FLNB: variants seen among roughly 807,000 people sequenced by gnomAD.
The protein encoded by FLNB is filamin-B.
Under a neutral mutation model 250.6 loss-of-function variants are expected in FLNB, and 111 were observed. The ratio of observed to expected loss-of-function variants is 0.44; its 90% confidence interval spans 0.38 to 0.52. The LOEUF (loss-of-function observed/expected upper bound fraction) is 0.52. FLNB is among the 20% of genes least tolerant of loss of function. The pLI, the probability that FLNB is intolerant of heterozygous loss-of-function variation, is 0.00. For synonymous variants in FLNB, 1,302 were observed against 1,372.1 expected (o/e 0.95, Z 1.13); for missense variants, 2,869 against 3,447.8 (o/e 0.83, Z 4.20).
chr3:58,123,001 A>G, intron 20 of FLNB, 92 bp from the exon 21 acceptor site: 1 of 1,176,026 alleles, frequency 8.5e-7, no homozygotes, highest in Non-Finnish European at 1.3e-6. Context: ...GCTCAGATGC[A>G]CTTCCATGCT....
Position 58,124,512 on chromosome 3 carries a change from C to T in FLNB, c.3898+7C>T, listed in dbSNP as rs369277252. ...TACACACCCTTTGAGAAAGGTGAGC[C>T]GCCCTGTCCTCGGACTGGACCCTCG... is the stretch of plus-strand genomic sequence containing the variant. On this transcript the variant is annotated splice_region_variant and intron_variant, in intron 22 of 45. Transcript: ENST00000295956. 25 of 1,613,948 alleles carry T rather than the reference C, an allele frequency of 1.5e-5. No homozygotes were observed. The highest frequency in any genetic ancestry group is 8.9e-5 in the East Asian group (4 of 44,892).
intron 15 of FLNB, 121 bp downstream of exon 15, chr3:58,109,820 G>A: frequency 7.0e-7 from 1 of 1,428,346 alleles, no homozygotes; most frequent in Non-Finnish European, 9.9e-7. Flanking sequence ...ATCATCTACT[G>A]AGCCTCTGAG....
chr3:58,019,819 G>A (rs2097111086), intron 1 of FLNB, among the ~76,000 whole-genome samples: 1 of 152,202 alleles, frequency 6.6e-6, no homozygotes, highest in Admixed American at 6.5e-5. Context: ...CTCTGACTGG[G>A]ACCTTTTCCA....
chr3:58,168,469 A>AC lies in FLNB; in HGVS notation c.7231dup (p.Arg2411ProfsTer18). On this transcript the variant is annotated frameshift_variant, in exon 44 of 46. Coordinates refer to ENST00000295956, the MANE Select transcript of FLNB (RefSeq NM_001457.4). LOFTEE classifies it high-confidence loss of function. ...CCAGTCGGAATTCTTTATTAACACC[A>AC]CCCGAGCAGGTCCAGGGACATTATC... The AC allele has an allele frequency of 1.2e-6, 2 of 1,613,934 alleles. No homozygotes were observed. The highest frequency in any genetic ancestry group is 2.2e-5 in the South Asian group (2 of 91,062).
At chr3:58,117,664 C>G (rs1483326219) in intron 18 of FLNB, among the ~76,000 whole-genome samples, 1 of 151,116 alleles carries the variant, frequency 6.6e-6, no homozygotes, top group East Asian at 1.9e-4. Flanking sequence ...GCTCCCAGCT[C>G]TGTTGAATTT....
intron 4 of FLNB, among the ~76,000 whole-genome samples, chr3:58,083,233 C>T (rs1369247144): frequency 7.4e-6 from 1 of 135,292 alleles, no homozygotes; most frequent in Non-Finnish European, 1.6e-5. Context: ...AAATAATTTC[C>T]CCAAACTTTT....
At position 58,132,872 on chromosome 3, in the gene FLNB, A is replaced by G; in HGVS notation, c.4455A>G (p.Pro1485=). 1.9e-6 allele frequency: 3 copies of G among 1,614,156 alleles called. No homozygotes were observed. The highest frequency in any genetic ancestry group is 2.5e-6 in the Non-Finnish European group (3 of 1,180,008). The change falls in exon 26 of 46, where the codon CCA becomes CCG. Residue 1485 remains proline (P), a synonymous_variant. Coordinates refer to ENST00000295956, the MANE Select transcript of FLNB (RefSeq NM_001457.4). The part of the protein sequence containing the change: ...GDGTHTVTYT[P]SQEGPYMVSV... Reference sequence around the variant, plus strand: ...GCACACACACAGTAACCTACACCCCATCTCAGGAGGGACCTTACATGGTCT... The same window carrying G: ...GCACACACACAGTAACCTACACCCCGTCTCAGGAGGGACCTTACATGGTCT...
At chr3:58,047,917 C>T (rs2097156517) in intron 1 of FLNB, among the ~76,000 whole-genome samples, 1 of 152,116 alleles carries the variant, frequency 6.6e-6, no homozygotes, top group African/African-American at 2.4e-5. Flanking sequence ...TATCATGACC[C>T]TTCACCCCCA....
intron 4 of FLNB, among the ~76,000 whole-genome samples, chr3:58,092,210 C>CAA (rs2097229096): frequency 1.3e-5 from 2 of 152,090 alleles, no homozygotes; most frequent in Admixed American, 1.3e-4. Context: ...ATCAGAACGG[C>CAA]TAAAATAAAA....
intron 7 of FLNB, 58 bp downstream of exon 7, chr3:58,098,035 A>G (rs927112201): frequency 1.9e-6 from 3 of 1,570,304 alleles, no homozygotes; most frequent in Admixed American, 1.7e-5. Context: ...AGGCTGAAAT[A>G]TAATCCTCGG....
At chr3:58,105,342 A>G in intron 11 of FLNB, 126 bp downstream of exon 11, 1 of 1,178,100 alleles carries the variant, frequency 8.5e-7, no homozygotes, top group Admixed American at 1.9e-5. Context: ...CCTCCTGGCC[A>G]CCCTAAGCCA....
At chr3:58,109,753 T>A in intron 15 of FLNB, 54 bp downstream of exon 15, 1 of 1,612,722 alleles carries the variant, frequency 6.2e-7, no homozygotes, top group Non-Finnish European at 8.5e-7. Flanking sequence ...GGAAGGCAGT[T>A]CTTTTCATAA....
chr3:58,145,833 A>T, intron 32 of FLNB, 88 bp from the exon 33 acceptor site: 1 of 1,550,234 alleles, frequency 6.5e-7, no homozygotes, highest in Non-Finnish European at 8.9e-7. Context: ...AGACCTGTAG[A>T]GAGGTGGACG....
At chr3:58,009,474 AGCTCTG>A (rs1022279561) in intron 1 of FLNB, among the ~76,000 whole-genome samples, 3 of 152,068 alleles carry the variant, frequency 2.0e-5, no homozygotes, top group Non-Finnish European at 2.9e-5. Flanking sequence ...CTCCCAGCTC[AGCTCTG>A]GCCGCGCGCC....
In FLNB at chr3:58,113,946, G is replaced by T. The variant is rs901140224; in HGVS notation, c.2745+1628G>T. ...CTTTCACCTCAGCCTCCAAACCTGC[G>T]GATATTACAGGCATGAGCCACTGCG... On this transcript the variant is annotated intron_variant, in intron 18 of 45. Coordinates refer to ENST00000295956, the MANE Select transcript of FLNB (RefSeq NM_001457.4). Among the ~76,000 whole-genome samples, 5 of 152,104 alleles carry T rather than the reference G, an allele frequency of 3.3e-5. No individual in the cohort carries two copies. The East Asian group carries it at 5.8e-4, about 18-fold the overall frequency.
At chr3:58,114,841 GTCC>G (rs2097275171) in intron 18 of FLNB, among the ~76,000 whole-genome samples, 1 of 151,458 alleles carries the variant, frequency 6.6e-6, no homozygotes, top group African/African-American at 2.4e-5. Flanking sequence ...GTGCTTATTG[GTCC>G]TTTGCATATT....
intron 35 of FLNB, 126 bp downstream of exon 35, chr3:58,148,490 C>T (rs1030837344): frequency 1.2e-5 from 15 of 1,289,280 alleles, no homozygotes; most frequent in South Asian, 8.8e-5. Flanking sequence ...CTGGGTCACA[C>T]GCACGATAAA....
chr3:58,103,990 C>T lies in FLNB; in HGVS notation c.1515C>T (p.Asp505=), dbSNP rs2097255170. The change falls in exon 10 of 46, where the codon GAC becomes GAT. Residue 505 remains aspartate, a synonymous_variant. Transcript: ENST00000295956. ...TGGAGGAGCTGGTGAAGCAGAAAGA[C>T]TTTCTGGATGGGGTCTACGCATTCG... is the stretch of plus-strand genomic sequence containing the variant. The part of the protein sequence containing the change: ...KGLEELVKQK[D]FLDGVYAFEY... 3.7e-6 allele frequency: 6 copies of T among 1,614,112 alleles called. No homozygotes were observed. The highest frequency in any genetic ancestry group is 5.1e-6 in the Non-Finnish European group (6 of 1,180,008).
chr3:58,103,540 T>A (rs970259820), intron 9 of FLNB, among the ~76,000 whole-genome samples: 1 of 152,216 alleles, frequency 6.6e-6, no homozygotes, highest in African/African-American at 2.4e-5. Flanking sequence ...GCTGGAACAC[T>A]GAACCTAAAA....
Sources: allele counts gnomAD v4.1 joint callset (sites outside exome capture counted in the v4.1 genomes callset), GRCh38; gene constraint gnomAD v4.1.1; transcripts MANE v1.5; gene names NCBI Gene and HGNC (gene_info 2026-07-23, HGNC 2026-07-21).